The following NUFIP1 variants were observed in gnomAD, a reference collection of about 807,000 sequenced individuals.
NUFIP1 encodes nuclear FMR1 interacting protein 1, also known as FMR1-interacting protein NUFIP1.
Under a neutral mutation model 56.2 loss-of-function variants are expected in NUFIP1, and 38 were observed. The ratio of observed to expected loss-of-function variants is 0.68; its 90% confidence interval spans 0.52 to 0.89. The LOEUF (loss-of-function observed/expected upper bound fraction) is 0.89, where lower values mean the gene tolerates loss of function less well. NUFIP1 is among the 40% of genes least tolerant of loss of function. The pLI is 0.00. For missense variants in NUFIP1, 567 were observed against 605.8 expected (o/e 0.94, Z 0.67); for synonymous variants, 215 against 212.4 (o/e 1.01, Z -0.10).
intron 6 of NUFIP1, among the ~76,000 whole-genome samples, chr13:44,963,608 G>T (rs527443147): frequency 6.6e-6 from 1 of 151,960 alleles, no homozygotes; most frequent in Non-Finnish European, 1.5e-5. Context: ...ACATTTTATC[G>T]AACTGTTTTC....
chr13:44,963,111 G>T (rs984305352), intron 6 of NUFIP1, among the ~76,000 whole-genome samples: 7 of 151,898 alleles, frequency 4.6e-5, no homozygotes, highest in Non-Finnish European at 7.4e-5. Context: ...AAAAAAACTT[G>T]CTGGAATTTT....
intron 7 of NUFIP1, among the ~76,000 whole-genome samples, chr13:44,955,711 G>C (rs1332168232): frequency 6.6e-6 from 1 of 152,172 alleles, no homozygotes; most frequent in Non-Finnish European, 1.5e-5. Context: ...ACATATATTG[G>C]AGAGTGGAGA....
intron 6 of NUFIP1, 78 bp from the exon 7 acceptor site, chr13:44,959,652 C>A (rs1381957863): frequency 8.7e-7 from 1 of 1,147,504 alleles, no homozygotes; most frequent in Non-Finnish European, 1.3e-6. Flanking sequence ...CTACTAGATA[C>A]AAAAGAAACC....
intron 5 of NUFIP1, among the ~76,000 whole-genome samples, chr13:44,974,415 C>G (rs954344987): frequency 3.9e-5 from 6 of 152,178 alleles, no homozygotes; most frequent in Admixed American, 3.3e-4. Flanking sequence ...TGGGAAGCCT[C>G]AACTATTCCA....
intron 5 of NUFIP1, among the ~76,000 whole-genome samples, chr13:44,970,190 C>T (rs3783151): frequency 0.59 from 89,155 of 152,082 alleles, 31,286 homozygotes; most frequent in Non-Finnish European, 0.78. Flanking sequence ...CTACATAGGA[C>T]AGGAATTAAG....
intron 5 of NUFIP1, among the ~76,000 whole-genome samples, chr13:44,976,016 G>T (rs1045321234): frequency 6.6e-6 from 1 of 152,158 alleles, no homozygotes; most frequent in African/African-American, 2.4e-5. Flanking sequence ...AATCAATGCT[G>T]ACTAGTAACC....
At chr13:44,949,199 A>ATTTTT (rs11421255) in intron 8 of NUFIP1, among the ~76,000 whole-genome samples, 45 of 112,618 alleles carry the variant, frequency 4.0e-4, no homozygotes, top group African/African-American at 9.0e-4. Flanking sequence ...ATTATATTGT[A>ATTTTT]TTTTTTTTTT....
chr13:44,983,008 T>C (rs1313773196), intron 1 of NUFIP1, among the ~76,000 whole-genome samples: 2 of 152,114 alleles, frequency 1.3e-5, no homozygotes, highest in East Asian at 1.9e-4. Flanking sequence ...ACCCTGTCTC[T>C]GTCTCTTTTA....
In NUFIP1 at chr13:44,965,840, T is replaced by A; in HGVS notation, c.827+4A>T. ...TTCATTATTCATAAGCATAAGGAGCTTACCCATATTGTGTTGTTGTCAATA... is the reference window on the plus strand; with the variant it reads ...TTCATTATTCATAAGCATAAGGAGCATACCCATATTGTGTTGTTGTCAATA... On this transcript the variant is annotated splice_donor_region_variant and intron_variant, in intron 6 of 9. Transcript: ENST00000379161. The A allele has an allele frequency of 6.4e-7, 1 of 1,556,826 alleles. No homozygotes were observed. Among genetic ancestry groups the A allele is most frequent in the Non-Finnish European group, 8.7e-7 (1 of 1,145,418 alleles).
At chr13:44,966,514 C>T (rs144095772) in intron 5 of NUFIP1, among the ~76,000 whole-genome samples, 8 of 151,952 alleles carry the variant, frequency 5.3e-5, no homozygotes, top group African/African-American at 1.7e-4. Flanking sequence ...GGGGTTTCAC[C>T]ATGTTGGCCA....
intron 1 of NUFIP1, among the ~76,000 whole-genome samples, chr13:44,986,188 T>C (rs1872384249): frequency 6.6e-6 from 1 of 152,216 alleles, no homozygotes; most frequent in African/African-American, 2.4e-5. Flanking sequence ...CTGAGCAAAG[T>C]AGATTAAAAA....
At chr13:44,964,658 T>C (rs926570738) in intron 6 of NUFIP1, among the ~76,000 whole-genome samples, 2 of 152,136 alleles carry the variant, frequency 1.3e-5, no homozygotes, top group East Asian at 1.9e-4. Context: ...GGATTTACCC[T>C]GGACTATTTA....
At chr13:44,953,508 C>T (rs549952020) in intron 7 of NUFIP1, among the ~76,000 whole-genome samples, 2 of 152,118 alleles carry the variant, frequency 1.3e-5, no homozygotes, top group African/African-American at 4.8e-5. Flanking sequence ...TTTAGGCACT[C>T]ATATCAGTAT....
Position 44,950,048 on chromosome 13 carries a change from G to A in NUFIP1, c.1022-210C>T, listed in dbSNP as rs540174661. On this transcript the variant is annotated intron_variant, in intron 7 of 9. Coordinates refer to ENST00000379161, the MANE Select transcript of NUFIP1 (RefSeq NM_012345.3). ...CCATTTGCCCCAGAGGAGACAGTGA[G>A]GGAAAAGGAAGCTATATAGAGCTCA... 7.2e-5 allele frequency among the ~76,000 whole-genome samples: 11 copies of A among 152,286 alleles called. No individual in the cohort carries two copies. The South Asian group carries it at 1.0e-3, about 14-fold the overall frequency.
intron 6 of NUFIP1, among the ~76,000 whole-genome samples, chr13:44,960,129 A>C (rs903256389): frequency 6.6e-6 from 1 of 151,848 alleles, no homozygotes; most frequent in Non-Finnish European, 1.5e-5. Flanking sequence ...TCAAGGTTTC[A>C]CCATGTTGGC....
intron 6 of NUFIP1, among the ~76,000 whole-genome samples, chr13:44,965,299 CCT>C (rs1248433285): frequency 6.6e-6 from 1 of 152,228 alleles, no homozygotes; most frequent in Non-Finnish European, 1.5e-5. Flanking sequence ...TCCAGTTAAA[CCT>C]CTTTCTTTTG....
At chr13:44,971,737 C>T (rs1300626134) in intron 5 of NUFIP1, among the ~76,000 whole-genome samples, 1 of 152,200 alleles carries the variant, frequency 6.6e-6, no homozygotes, top group Non-Finnish European at 1.5e-5. Flanking sequence ...AGGGGGGAAA[C>T]TAGGCTACGT....
intron 1 of NUFIP1, among the ~76,000 whole-genome samples, chr13:44,983,167 AT>A (rs1872255916): frequency 6.6e-6 from 1 of 151,320 alleles, no homozygotes; most frequent in Non-Finnish European, 1.5e-5. Flanking sequence ...CCTGTCTCTT[AT>A]TTTATTTTAT....
chr13:44,972,377 A>G (rs1417863938), intron 5 of NUFIP1, among the ~76,000 whole-genome samples: 7 of 152,252 alleles, frequency 4.6e-5, no homozygotes, highest in African/African-American at 1.7e-4. Context: ...TCAAATGCAG[A>G]CTAAAAATAA....
Sources: allele counts gnomAD v4.1 joint callset (sites outside exome capture counted in the v4.1 genomes callset), GRCh38; gene constraint gnomAD v4.1.1; transcripts MANE v1.5; gene names NCBI Gene and HGNC (gene_info 2026-07-23, HGNC 2026-07-21).